METTL23: variants seen among roughly 807,000 people sequenced by gnomAD.
The protein encoded by METTL23 is methyltransferase 23, arginine.
METTL23 carries 24 observed loss-of-function variants against 21.2 expected under a neutral mutation model. That is an observed-to-expected ratio of 1.13 (90% CI 0.82 to 1.59). The LOEUF (loss-of-function observed/expected upper bound fraction) is 1.59. METTL23 is among the 40% of genes most tolerant of loss of function. The pLI, the probability that METTL23 is intolerant of heterozygous loss-of-function variation, is 0.00. For synonymous variants in METTL23, 97 were observed against 75.2 expected, an observed-to-expected ratio of 1.29 and a Z score of -1.50; for missense variants, 276 against 221.4, an observed-to-expected ratio of 1.25 and a Z score of -1.57.
chr17:76,731,291 T>C (rs1247483393), intron 2 of METTL23, among the ~76,000 whole-genome samples: 1 of 151,974 alleles, frequency 6.6e-6, no homozygotes, highest in Non-Finnish European at 1.5e-5. Flanking sequence ...ATAAAGAAAT[T>C]TGGGTATCAG....
In METTL23 at chr17:76,727,173, C is replaced by T. The variant is rs891927353; in HGVS notation, c.-27C>T. The T allele has an allele frequency of 4.8e-6, 2 of 420,140 alleles. No homozygotes were observed. Among genetic ancestry groups the T allele is most frequent in the Non-Finnish European group, 9.6e-6 (2 of 207,976 alleles). 26.0% of individuals were successfully genotyped at this position (420,140 alleles called of 1,614,324 possible). A position where few individuals can be genotyped will look rare whatever the true frequency, so the allele number is the denominator to read the frequency against. On this transcript the variant is annotated 5_prime_UTR_variant, in exon 1 of 5. Transcript: ENST00000341249. ...CGGGGCTGTCCTGGAGGTCCACGTC[C>T]CGCAGGTGCGTGCAGCAGCACCCGC...
rs527442928 is a variant in METTL23 at position 76,733,143 on chromosome 17, A to C, written c.250A>C (p.Ile84Leu). The C allele has an allele frequency of 4.3e-6, 7 of 1,613,914 alleles. No homozygotes were observed. Among genetic ancestry groups the C allele is most frequent in the Non-Finnish European group, 5.9e-6 (7 of 1,179,866 alleles). The part of the protein sequence containing the change: ...LQVVGLTWGH[I>L]SWDLLALPPQ... ...GGTGGTAGGACTAACATGGGGTCAT[A>C]TATCTTGGGATCTTCTGGCTCTACC... The change falls in exon 3 of 5, where the codon ATA becomes CTA. Residue 84 changes from isoleucine to leucine, a missense_variant. By Grantham distance (5) the Ile-to-Leu change is conservative. Coordinates refer to ENST00000341249, the MANE Select transcript of METTL23 (RefSeq NM_001080510.5).
In METTL23 at chr17:76,733,052, A is replaced by T; in HGVS notation, c.159A>T (p.Ser53=). 6.2e-7 allele frequency: 1 copy of T among 1,605,322 alleles called. No homozygotes were observed. Among genetic ancestry groups the T allele is most frequent in the Non-Finnish European group, 8.5e-7 (1 of 1,175,418 alleles). Residue 53 remains serine, a synonymous_variant, in exon 3 of 5, where the codon TCA becomes TCT. Transcript: ENST00000341249. ...CGAEVILSDS[S]ELPHCLEVCR... The stretch of plus-strand genomic sequence containing the variant: ...CAGAAGTAATACTGTCAGACAGCTC[A>T]GAACTGCCTCACTGTCTGGAAGTCT...
chr17:76,733,662 T>C lies in METTL23; in HGVS notation c.549T>C (p.Ile183=). The C allele has an allele frequency of 6.2e-7, 1 of 1,613,636 alleles. No homozygotes were observed. Among genetic ancestry groups the C allele is most frequent in the African/African-American group, 1.3e-5 (1 of 75,026 alleles). ...PGRHTVEMLV[I]SFAKDSL ...GACATACAGTTGAAATGCTGGTCAT[T>C]TCCTTTGCAAAGGACAGTCTCTGAA... Residue 183 remains isoleucine, a synonymous_variant, in exon 5 of 5, where the codon ATT becomes ATC. Transcript: ENST00000341249.
chr17:76,731,052 A>G (rs528571835), intron 2 of METTL23, among the ~76,000 whole-genome samples: 2 of 151,894 alleles, frequency 1.3e-5, no homozygotes, highest in African/African-American at 2.4e-5. Context: ...GCTTGCAGTG[A>G]GCCGAGATCG....
intron 2 of METTL23, among the ~76,000 whole-genome samples, chr17:76,732,134 G>A (rs984231813): frequency 2.0e-5 from 3 of 147,148 alleles, no homozygotes; most frequent in African/African-American, 8.2e-5. Context: ...GAGGCTGGTG[G>A]ATCACTTGAG....
chr17:76,730,062 C>T (rs1036393000), intron 2 of METTL23, among the ~76,000 whole-genome samples: 3 of 151,698 alleles, frequency 2.0e-5, no homozygotes, highest in Non-Finnish European at 4.4e-5. Flanking sequence ...GAGGCTGAGG[C>T]GGGTGCATCA....
At chr17:76,732,291 G>A (rs1232360103) in intron 2 of METTL23, among the ~76,000 whole-genome samples, 1 of 152,112 alleles carries the variant, frequency 6.6e-6, no homozygotes, top group African/African-American at 2.4e-5. Flanking sequence ...TCACCTGTCG[G>A]GAGTTCAAGA....
rs1338536648 is a variant in METTL23 at position 76,727,133 on chromosome 17, G to A, written c.-67G>A. ...AGCGCTTTCGATTCTCGGAGGAGCC[G>A]GGTCCGGGGGCCGACGGGGCTGTCC... is the stretch of plus-strand genomic sequence containing the variant. On this transcript the variant is annotated 5_prime_UTR_variant, in exon 1 of 5. Transcript: ENST00000341249. 1 of 451,346 alleles carries A rather than the reference G, an allele frequency of 2.2e-6. No individual in the cohort carries two copies. The highest frequency in any genetic ancestry group is 1.6e-5 in the South Asian group (1 of 64,294). The allele number at this position is 451,346 out of a possible 1,614,324, so 28.0% of individuals were successfully genotyped here. A position where few individuals can be genotyped will look rare whatever the true frequency, so the allele number is the denominator to read the frequency against.
intron 2 of METTL23, among the ~76,000 whole-genome samples, chr17:76,730,620 A>G (rs1298216016): frequency 1.3e-5 from 2 of 152,218 alleles, no homozygotes; most frequent in Non-Finnish European, 2.9e-5. Context: ...GCCTTTTTAT[A>G]TTCAGGTTGC....
chr17:76,731,305 T>A (rs1305818541), intron 2 of METTL23, among the ~76,000 whole-genome samples: 1 of 152,218 alleles, frequency 6.6e-6, no homozygotes, highest in Non-Finnish European at 1.5e-5. Context: ...GTATCAGTTC[T>A]GGAGGCAGTG....
At chr17:76,733,418 C>T in intron 4 of METTL23, 41 bp downstream of exon 4, 2 of 1,604,304 alleles carry the variant, frequency 1.2e-6, no homozygotes, top group Non-Finnish European at 1.7e-6. Flanking sequence ...GTAACTTAAG[C>T]CTTACTCTAC....
In METTL23 at chr17:76,730,786, G is replaced by T. The variant is rs374006138; in HGVS notation, c.84+992G>T. Among the ~76,000 whole-genome samples the T allele has an allele frequency of 1.9e-3, 292 of 152,248 alleles. 2 individuals are homozygous for T. The highest frequency in any genetic ancestry group is 6.2e-3 in the African/African-American group (259 of 41,534). On this transcript the variant is annotated intron_variant, in intron 2 of 4. Coordinates refer to ENST00000341249, the MANE Select transcript of METTL23 (RefSeq NM_001080510.5). ...AGTTCAAGACCAGCCTGGCCAACAT[G>T]GTGAAACCCCGTCTCTACTATAAAT...
chr17:76,733,143 A>AT lies in METTL23; in HGVS notation c.251dup (p.Ser85IlefsTer17), dbSNP rs2077302862. The AT allele has an allele frequency of 6.2e-7, 1 of 1,613,796 alleles. No homozygotes were observed. The highest frequency in any genetic ancestry group is 2.2e-5 in the East Asian group (1 of 44,904). ...GGTGGTAGGACTAACATGGGGTCAT[A>AT]TATCTTGGGATCTTCTGGCTCTACC... is the stretch of plus-strand genomic sequence containing the variant. On this transcript the variant is annotated frameshift_variant, in exon 3 of 5. Transcript: ENST00000341249. LOFTEE classifies it high-confidence loss of function.
chr17:76,731,596 T>C (rs1047488491), intron 2 of METTL23, among the ~76,000 whole-genome samples: 4 of 152,184 alleles, frequency 2.6e-5, no homozygotes, highest in African/African-American at 4.8e-5. Flanking sequence ...TTGAGATTAG[T>C]GTAAAAATGT....
upstream of METTL23, chr17:76,726,195 G>A: frequency 9.1e-7 from 1 of 1,102,260 alleles, no homozygotes. Context: ...CCCGGAATCC[G>A]CGCCTCGGGG....
intron 1 of METTL23, among the ~76,000 whole-genome samples, chr17:76,728,416 T>TTTTTTTTTTTTTTTTTTTTTTTTTTTTG (rs1568008567): frequency 1.9e-4 from 1 of 5,186 alleles, no homozygotes; most frequent in African/African-American, 3.5e-4. Flanking sequence ...TCACGGATTT[T>TTTTTTTTTTTTTTTTTTTTTTTTTTTTG]TTTTTTTTTT....
intron 2 of METTL23, among the ~76,000 whole-genome samples, chr17:76,732,097 C>T (rs2077230119): frequency 6.8e-6 from 1 of 147,608 alleles, no homozygotes; most frequent in South Asian, 2.1e-4. Flanking sequence ...GTGGCTCATG[C>T]CTGTAATCCC....
At chr17:76,732,451 T>C (rs2077253485) in intron 2 of METTL23, among the ~76,000 whole-genome samples, 2 of 151,908 alleles carry the variant, frequency 1.3e-5, no homozygotes, top group East Asian at 1.9e-4. Flanking sequence ...TGAGCCAAGA[T>C]TGCACCATTG....
Sources: gnomAD v4.1 joint callset for allele counts (sites outside exome capture counted in the v4.1 genomes callset) on GRCh38, gnomAD v4.1.1 for gene constraint, MANE v1.5 for transcripts, NCBI Gene and HGNC (gene_info 2026-07-23, HGNC 2026-07-21) for gene names.